PAH: variants seen among roughly 807,000 people sequenced by gnomAD.
PAH encodes the protein phenylalanine-4-hydroxylase.
In PAH, 64 loss-of-function variants were observed where a neutral mutation model predicts 62.0. The ratio of observed to expected loss-of-function variants is 1.03; its 90% CI spans 0.84 to 1.27. The LOEUF is 1.27. PAH is among the 50% of genes most tolerant of loss of function. The pLI, the probability that PAH is intolerant of heterozygous loss-of-function variation, is 0.00. For missense variants in PAH, 579 were observed against 542.8 expected (o/e 1.07, Z -0.66); for synonymous variants, 195 against 196.2 (o/e 0.99, Z 0.05).
intron 4 of PAH, among the ~76,000 whole-genome samples, chr12:102,873,095 G>A (rs1876422289): frequency 6.6e-6 from 1 of 152,064 alleles, no homozygotes; most frequent in Admixed American, 6.5e-5. Flanking sequence ...CTAGACTCCA[G>A]TGCAGCTGCC....
At chr12:102,889,250 G>T (rs1280217308) in intron 3 of PAH, among the ~76,000 whole-genome samples, 1 of 152,140 alleles carries the variant, frequency 6.6e-6, no homozygotes, top group Non-Finnish European at 1.5e-5. Flanking sequence ...CAATTGATCT[G>T]AAATGTCAGC....
At chr12:102,855,093 C>G in intron 6 of PAH, 43 bp downstream of exon 6, 16 of 1,520,424 alleles carry the variant, frequency 1.1e-5, no homozygotes, top group Non-Finnish European at 1.5e-5. Context: ...CCTCAATCCT[C>G]CCCCAACTTT....
At chr12:102,853,914 G>T (rs754817522) in intron 6 of PAH, among the ~76,000 whole-genome samples, 1 of 152,206 alleles carries the variant, frequency 6.6e-6, no homozygotes, top group Non-Finnish European at 1.5e-5. Context: ...ACAGAGATAG[G>T]TTAAAGGTTT....
chr12:102,868,313 C>A (rs187693803), intron 4 of PAH, among the ~76,000 whole-genome samples: 76 of 150,840 alleles, frequency 5.0e-4, no homozygotes, highest in African/African-American at 1.7e-3. Context: ...ACTACAGACA[C>A]TTGTTGGAAG....
intron 3 of PAH, chr12:102,886,210 A>T (rs1877036161): frequency 6.6e-6 from 1 of 152,202 alleles, no homozygotes; most frequent in African/African-American, 2.4e-5. Context: ...AGAAGTCAGG[A>T]GTGGTGATTT....
intron 1 of PAH, among the ~76,000 whole-genome samples, chr12:102,933,340 G>A (rs111983012): frequency 0.032 from 4,805 of 152,052 alleles, 261 homozygotes; most frequent in African/African-American, 0.11. Context: ...GTACTCCATT[G>A]TGTATAAGTA....
chr12:102,873,659 C>G (rs1157687341), intron 4 of PAH, among the ~76,000 whole-genome samples: 1 of 152,200 alleles, frequency 6.6e-6, no homozygotes, highest in Admixed American at 6.5e-5. Flanking sequence ...CATTTATGCA[C>G]TTTTTTGAGT....
intron 3 of PAH, among the ~76,000 whole-genome samples, chr12:102,881,719 T>C (rs1388261162): frequency 6.6e-6 from 1 of 152,246 alleles, no homozygotes; most frequent in Admixed American, 6.5e-5. Flanking sequence ...TATTTGTCTT[T>C]CTGTGTCTGG....
intron 2 of PAH, among the ~76,000 whole-genome samples, chr12:102,901,903 C>G (rs68015171): frequency 0.11 from 17,112 of 151,196 alleles, 1,214 homozygotes; most frequent in Admixed American, 0.22. Context: ...GTGGGAAAAG[C>G]AGAAAAAAAA....
intron 4 of PAH, among the ~76,000 whole-genome samples, chr12:102,875,609 G>C (rs1876528553): frequency 6.6e-6 from 1 of 152,174 alleles, no homozygotes; most frequent in Non-Finnish European, 1.5e-5. Context: ...GGCGCCCCAG[G>C]GCTCCTGGGA....
intron 2 of PAH, among the ~76,000 whole-genome samples, chr12:102,907,323 T>A (rs1336984678): frequency 6.6e-6 from 1 of 152,184 alleles, no homozygotes; most frequent in African/African-American, 2.4e-5. Context: ...GATAGCTGTA[T>A]TTGGCAGAGG....
At chr12:102,882,181 T>G (rs1876837970) in intron 3 of PAH, among the ~76,000 whole-genome samples, 1 of 152,188 alleles carries the variant, frequency 6.6e-6, no homozygotes. Context: ...CCTCTGCCTC[T>G]AGACCCCAGA....
chr12:102,857,941 A>C (rs1248017989), intron 5 of PAH, among the ~76,000 whole-genome samples: 2 of 152,228 alleles, frequency 1.3e-5, no homozygotes, highest in African/African-American at 4.8e-5. Flanking sequence ...ACCAGCTAAC[A>C]TCATAATGAC....
In PAH at chr12:102,939,912, A is replaced by C. The variant is rs371345285; in HGVS notation, c.-96+10677T>G. ...TGCCAAGCCAAGATCTGTGGCCAGC[A>C]CTTGACTGGGAGAGGAGCCTACACT... On this transcript the variant is annotated intron_variant, in intron 1 of 3. Transcript: ENST00000546844. Among the ~76,000 whole-genome samples the C allele has an allele frequency of 4.6e-5, 7 of 152,270 alleles. No individual in the cohort carries two copies. In the East Asian group the frequency reaches 1.4e-3, roughly 29 times the overall value.
chr12:102,843,801 T>A (rs549833778), intron 10 of PAH, 22 bp from the exon 11 acceptor site: 1 of 1,611,454 alleles, frequency 6.2e-7, no homozygotes, highest in Non-Finnish European at 8.5e-7. Flanking sequence ...AAGTGAAAAG[T>A]TATTATCACT....
chr12:102,874,562 AG>A (rs1397490289), intron 4 of PAH, among the ~76,000 whole-genome samples: 1 of 152,270 alleles, frequency 6.6e-6, no homozygotes, highest in African/African-American at 2.4e-5. Context: ...AAATTAAAAA[AG>A]GAATGCCAAG....
At chr12:102,907,349 AAAG>A (rs763560411) in intron 2 of PAH, among the ~76,000 whole-genome samples, 25 of 152,268 alleles carry the variant, frequency 1.6e-4, no homozygotes, top group Non-Finnish European at 2.9e-4. Context: ...GGTGTAATAG[AAAG>A]ATCATGGGCT....
chr12:102,937,300 T>TG (rs1311843583), intron 1 of PAH, among the ~76,000 whole-genome samples: 2 of 152,212 alleles, frequency 1.3e-5, no homozygotes, highest in Non-Finnish European at 2.9e-5. Context: ...CTGTTGCTTA[T>TG]TTTTCTGGTT....
rs920074092 is a variant in PAH, at chr12:102,957,006, C to A, written c.-96+1189G>T. 3.3e-5 allele frequency among the ~76,000 whole-genome samples: 5 copies of A among 152,168 alleles called. No individual in the cohort carries two copies. Among genetic ancestry groups the A allele is most frequent in the African/African-American group, 1.2e-4 (5 of 41,428 alleles). ...TTGAGAGGACGCCTTGGGACTAGAA[C>A]CCACGTTTTCACATAGTCCAGCACT... On this transcript the variant is annotated intron_variant, in intron 1 of 4. Coordinates refer to the PAH transcript ENST00000551337. This position sits in a 1 kb window ranked among gnomAD's most constrained non-coding sequence, Gnocchi z 4.1.
Sources: allele counts gnomAD v4.1 joint callset (sites outside exome capture counted in the v4.1 genomes callset), GRCh38; gene constraint gnomAD v4.1.1; non-coding constraint Gnocchi (gnomAD v3.1); transcripts MANE v1.5; gene names NCBI Gene and HGNC (gene_info 2026-07-23, HGNC 2026-07-21).